Variants in ZGRF1 observed in about 807,000 individuals in gnomAD.
ZGRF1 encodes zinc finger GRF-type containing 1.
In ZGRF1, 196 loss-of-function variants were observed where a neutral mutation model predicts 203.5. That is an observed-to-expected ratio of 0.96 (90% CI 0.86 to 1.08). The LOEUF (loss-of-function observed/expected upper bound fraction) is 1.08, where lower values mean the gene tolerates loss of function less well. Ranked by LOEUF, ZGRF1 falls within the 50% of genes least tolerant of loss-of-function variation. The pLI is 0.00. For missense variants in ZGRF1, 2,326 were observed against 2,416.3 expected (o/e 0.96, Z 0.78); for synonymous variants, 809 against 841.3 (o/e 0.96, Z 0.66).
At chr4:112,541,923 T>C (rs1737704525) in intron 24 of ZGRF1, among the ~76,000 whole-genome samples, 1 of 152,234 alleles carries the variant, frequency 6.6e-6, no homozygotes, top group South Asian at 2.1e-4. Context: ...TCTCGTTAAC[T>C]TTCCTCACTG....
rs924789455 is a variant in ZGRF1, at chr4:112,565,383, T to C, written c.4439-2109A>G. 92 of 971,696 alleles carry C rather than the reference T, an allele frequency of 9.5e-5. No homozygotes were observed. In the Admixed American group the frequency reaches 1.6e-3, roughly 17 times the overall value. The allele number at this position is 971,696 out of a possible 1,614,324, so 60.2% of individuals were successfully genotyped here. ...ACATCCAGCTAGCATGCCACATACG[T>C]TGAGAATGTGCTTTAGAATCCACTA... On this transcript the variant is annotated intron_variant, in intron 16 of 27. Coordinates refer to ENST00000505019, the MANE Select transcript of ZGRF1 (RefSeq NM_018392.5).
chr4:112,615,703 G>A (rs1267964874), intron 6 of ZGRF1, among the ~76,000 whole-genome samples: 2 of 147,614 alleles, frequency 1.4e-5, no homozygotes, highest in African/African-American at 2.5e-5. Context: ...GCATGATCTC[G>A]GCTCACTGCA....
Position 112,587,575 on chromosome 4 carries a change from T to C in ZGRF1, c.3482A>G (p.Asn1161Ser). ...NTSQCNVATP[N>S]RVDKRITDGF... ...ATCAGTTATTCTCTTATCAACTCTG[T>C]TTGGAGTAGCCACGTTGCATTGGGA... Residue 1161 changes from asparagine (N) to serine (S), a missense_variant, in exon 12 of 28, where the codon AAC becomes AGC. Asn to Ser is a conservative substitution (Grantham distance 46). Transcript: ENST00000505019. The C allele has an allele frequency of 6.2e-7, 1 of 1,613,902 alleles. No individual in the cohort carries two copies.
In ZGRF1 at chr4:112,587,518, T is replaced by C. The variant is rs773752919; in HGVS notation, c.3539A>G (p.His1180Arg). ...GFFAEAVSGM[H>R]FRDTSERQSD... ...CTGTCTTTCACTTGTGTCTCTAAAA[T>C]GCATCCCAGAAACAGCCTCAGCAAA... Residue 1180 changes from histidine to arginine, a missense_variant, in exon 12 of 28, where the codon CAT becomes CGT. Coordinates refer to ENST00000505019, the MANE Select transcript of ZGRF1 (RefSeq NM_018392.5). 64 of 1,613,844 alleles carry C rather than the reference T, an allele frequency of 4.0e-5. No individual in the cohort carries two copies. The highest frequency in any genetic ancestry group is 4.9e-5 in the Non-Finnish European group (58 of 1,179,866).
chr4:112,582,335 A>G lies in ZGRF1; in HGVS notation c.4299-533T>C, dbSNP rs1009869761. 1.1e-3 allele frequency among the ~76,000 whole-genome samples: 145 copies of G among 127,740 alleles called. 1 individual carries two copies. The highest frequency in any genetic ancestry group is 1.0e-3 in the Non-Finnish European group (61 of 59,436). 83.8% of individuals were successfully genotyped at this position (127,740 alleles called of 152,430 possible). A position where few individuals can be genotyped will look rare whatever the true frequency, so the allele number is the denominator to read the frequency against. On this transcript the variant is annotated intron_variant, in intron 15 of 27. Transcript: ENST00000505019. ...TTTAACCAACCTCTCTTCATTTCCC[A>G]CCCCCTTTTCTTCCCAGCCTCTGGT... is the stretch of plus-strand genomic sequence containing the variant.
chr4:112,609,958 G>GTGAAACCCCA (rs1751341840), intron 7 of ZGRF1, among the ~76,000 whole-genome samples: 1 of 152,026 alleles, frequency 6.6e-6, no homozygotes, highest in Non-Finnish European at 1.5e-5. Context: ...GGGGAACATA[G>GTGAAACCCCA]TGAAACCCCA....
chr4:112,555,298 C>T (rs1406936298), intron 20 of ZGRF1, among the ~76,000 whole-genome samples: 1 of 152,090 alleles, frequency 6.6e-6, no homozygotes, highest in African/African-American at 2.4e-5. Context: ...CCAGTTAGGG[C>T]TTTGTGAGGA....
At chr4:112,554,660 C>G (rs1740613989) in intron 21 of ZGRF1, 45 bp downstream of exon 21, 8 of 928,898 alleles carry the variant, frequency 8.6e-6, no homozygotes, top group Non-Finnish European at 1.2e-5. Context: ...AAGTACCATA[C>G]TTCCCTCTGA....
In ZGRF1 at chr4:112,587,751, C is replaced by T. The variant is rs1187817649; in HGVS notation, c.3306G>A (p.Leu1102=). 6.4e-7 allele frequency: 1 copy of T among 1,558,902 alleles called. No homozygotes were observed. The highest frequency in any genetic ancestry group is 8.7e-7 in the Non-Finnish European group (1 of 1,150,624). The change falls in exon 12 of 28, where the codon TTG becomes TTA. Residue 1102 remains leucine, a synonymous_variant. Transcript: ENST00000505019. The part of the protein sequence containing the change: ...YESSGSPMLN[L]CEKSAVLSFS... ...ACGAAAGAACTGCTGACTTTTCACA[C>T]AAATTGAGCATGGGGGAGCCAGAAG...
chr4:112,568,392 A>G (rs979264104), intron 16 of ZGRF1, among the ~76,000 whole-genome samples: 4 of 152,144 alleles, frequency 2.6e-5, no homozygotes, highest in Non-Finnish European at 5.9e-5. Context: ...AGCCAGAAAG[A>G]CCACATAACA....
At chr4:112,628,627 C>A (rs978943807) in intron 3 of ZGRF1, 2 of 456,090 alleles carry the variant, frequency 4.4e-6, no homozygotes, top group Non-Finnish European at 8.8e-6. Context: ...TTGCCTGGAA[C>A]ATAGAAACTT....
At chr4:112,568,710 T>TC (rs1553986186) in intron 16 of ZGRF1, among the ~76,000 whole-genome samples, 1 of 53,218 alleles carries the variant, frequency 1.9e-5, no homozygotes, top group Non-Finnish European at 3.7e-5. Flanking sequence ...AAACTCTGTC[T>TC]CAAAAAAAAA....
chr4:112,549,924 G>C (rs1739588078), intron 22 of ZGRF1, among the ~76,000 whole-genome samples: 1 of 152,140 alleles, frequency 6.6e-6, no homozygotes, highest in East Asian at 1.9e-4. Flanking sequence ...TGGGCGCAGT[G>C]GCTCAAGCCT....
chr4:112,565,088 G>T, intron 16 of ZGRF1: 1 of 1,297,022 alleles, frequency 7.7e-7, no homozygotes, highest in Non-Finnish European at 1.1e-6. Flanking sequence ...CCCTCTACTG[G>T]AGGGGTGAAG....
intron 10 of ZGRF1, among the ~76,000 whole-genome samples, chr4:112,593,480 T>C (rs1748506133): frequency 6.6e-6 from 1 of 152,236 alleles, no homozygotes; most frequent in Non-Finnish European, 1.5e-5. Flanking sequence ...TGCTGCATCC[T>C]TCAGTGATTT....
rs1289555225 is a variant in ZGRF1 at position 112,617,536 on chromosome 4, T to C, written c.2506A>G (p.Ser836Gly). The C allele has an allele frequency of 1.2e-6, 2 of 1,613,294 alleles. No homozygotes were observed. The highest frequency in any genetic ancestry group is 2.7e-5 in the African/African-American group (2 of 75,000). ...ATTTCCAAGCTGTCTAAAGCAGTAC[T>C]GTGTTCACATAGCGACTTTAAAATA... ...ISILKSLCEH[S>G]TALDSLEILK... is the part of the protein sequence containing the mutation. The change falls in exon 6 of 28, where the codon AGT becomes GGT. Residue 836 changes from serine to glycine, a missense_variant. By Grantham distance (56) the Ser-to-Gly change is moderately conservative. Transcript: ENST00000505019.
intron 10 of ZGRF1, among the ~76,000 whole-genome samples, chr4:112,592,899 G>A (rs977691361): frequency 3.3e-5 from 5 of 152,212 alleles, no homozygotes; most frequent in African/African-American, 1.2e-4. Flanking sequence ...GGTCATAAGA[G>A]TGGGGCCCTT....
chr4:112,594,906 CAAAG>C (rs964058498), intron 10 of ZGRF1, among the ~76,000 whole-genome samples: 1 of 151,898 alleles, frequency 6.6e-6, no homozygotes, highest in African/African-American at 2.4e-5. Flanking sequence ...CTTTAAATGA[CAAAG>C]AAAGCAGTCA....
At position 112,620,156 on chromosome 4, in the gene ZGRF1, T is replaced by C. The variant is rs1343766408; in HGVS notation, c.197A>G (p.Tyr66Cys). 1.9e-6 allele frequency: 3 copies of C among 1,608,198 alleles called. No homozygotes were observed. Among genetic ancestry groups the C allele is most frequent in the East Asian group, 2.2e-5 (1 of 44,698 alleles). ...TTTAACCTCTTCAACTGTGATTAAG[T>C]ATCGATCACTTTCTAAGTCATCTCC... ...KPGDDLESDR[Y>C]LITVEEVKVA... Residue 66 changes from tyrosine (Y) to cysteine (C), a missense_variant, in exon 5 of 28, where the codon TAC becomes TGC. Tyr to Cys is a radical substitution (Grantham distance 194). Coordinates refer to ENST00000505019, the MANE Select transcript of ZGRF1 (RefSeq NM_018392.5).
Sources: gnomAD v4.1 joint callset for allele counts (sites outside exome capture counted in the v4.1 genomes callset) on GRCh38, gnomAD v4.1.1 for gene constraint, MANE v1.5 for transcripts, NCBI Gene and HGNC (gene_info 2026-07-23, HGNC 2026-07-21) for gene names.